RERE: variants seen among roughly 807,000 people sequenced by gnomAD.
The protein encoded by RERE is arginine-glutamic acid dipeptide repeats protein.
Under a neutral mutation model 146.1 loss-of-function variants are expected in RERE, and 40 were observed. The ratio of observed to expected loss-of-function variants is 0.27; its 90% CI spans 0.21 to 0.36. The LOEUF (loss-of-function observed/expected upper bound fraction) is 0.36, where lower values mean the gene tolerates loss of function less well. Among genes scored for constraint, RERE ranks in the 10% least tolerant of loss-of-function variants. The probability of loss-of-function intolerance (pLI) is 1.00; values close to 1 mark genes in which losing one functional copy is unlikely to be tolerated. For missense variants in RERE, 1,933 were observed against 2,138.7 expected (o/e 0.90, Z 1.90); for synonymous variants, 1,003 against 866.0 (o/e 1.16, Z -2.78).
In RERE at chr1:8,697,314, T is replaced by C. The variant is rs138144571; in HGVS notation, c.-144-40873A>G. Among the ~76,000 whole-genome samples the C allele has an allele frequency of 5.9e-5, 9 of 152,128 alleles. No individual in the cohort carries two copies. The East Asian group carries it at 1.7e-3, about 29-fold the overall frequency. On this transcript the variant is annotated intron_variant, in intron 1 of 22. Transcript: ENST00000400908. ...ATTGTTCAAATGTTCAATCTAGATA[T>C]AGGTTTTTCTGTATAATTTAATCAA...
intron 1 of RERE, among the ~76,000 whole-genome samples, chr1:8,669,970 G>GA (rs1031026550): frequency 2.6e-5 from 4 of 152,096 alleles, no homozygotes; most frequent in African/African-American, 9.7e-5. Context: ...TATATCAAAG[G>GA]AAAAATGGAA....
At chr1:8,608,550 C>A (rs1258928409) in intron 4 of RERE, among the ~76,000 whole-genome samples, 1 of 152,028 alleles carries the variant, frequency 6.6e-6, no homozygotes. Flanking sequence ...CCAAGAAAGG[C>A]AGGGCTGAAA....
intron 1 of RERE, among the ~76,000 whole-genome samples, chr1:8,686,459 TA>T (rs1215111197): frequency 6.6e-6 from 1 of 152,100 alleles, no homozygotes; most frequent in Non-Finnish European, 1.5e-5. Context: ...GCAATAAAAA[TA>T]AAGATGTAGC....
Position 8,423,033 on chromosome 1 carries a change from G to C in RERE, c.1204-226C>G, listed in dbSNP as rs1038629538. The C allele has an allele frequency of 5.5e-5, 28 of 510,782 alleles. No individual in the cohort carries two copies. The highest frequency in any genetic ancestry group is 3.9e-4 in the Admixed American group (12 of 30,936). The allele number at this position is 510,782 out of a possible 1,614,324, so 31.6% of individuals were successfully genotyped here. ...CCAATCCCACCCACCACGCAGGGCA[G>C]CGCGTTTAAGAGAAGGACGTCCTGC... On this transcript the variant is annotated intron_variant, in intron 11 of 22. Transcript: ENST00000400908. This position sits in a 1 kb window ranked among gnomAD's most constrained non-coding sequence, Gnocchi z 5.4.
intron 10 of RERE, among the ~76,000 whole-genome samples, chr1:8,474,531 T>C (rs1370524255): frequency 6.6e-6 from 1 of 152,238 alleles, no homozygotes; most frequent in Admixed American, 6.5e-5. Context: ...TTCAAGTTTC[T>C]ATTCTGGCTT....
chr1:8,755,220 C>A lies in RERE; in HGVS notation c.-145+61940G>T, dbSNP rs1441764049. On this transcript the variant is annotated intron_variant, in intron 1 of 22. Transcript: ENST00000400908. ...CAGCAGTACAGATGGACTTTGTAGGCCACTGGCTATGCTTAATTTAATATG... is the reference window on the plus strand; with the variant it reads ...CAGCAGTACAGATGGACTTTGTAGGACACTGGCTATGCTTAATTTAATATG... Among the ~76,000 whole-genome samples the A allele has an allele frequency of 2.0e-5, 3 of 152,206 alleles. No individual in the cohort carries two copies. In the East Asian group the frequency reaches 5.8e-4, roughly 29 times the overall value.
chr1:8,360,995 C>A lies in RERE; in HGVS notation c.2512G>T (p.Ala838Ser). The A allele has an allele frequency of 7.0e-7, 1 of 1,438,180 alleles. No homozygotes were observed. The allele number at this position is 1,438,180 out of a possible 1,614,324, so 89.1% of individuals were successfully genotyped here. The change falls in exon 18 of 23, where the codon GCA becomes TCA. Residue 838 changes from alanine to serine, a missense_variant. Ala to Ser is a moderately conservative substitution (Grantham distance 99, BLOSUM62 1). Transcript: ENST00000400908. ...PLTGSAGQPS[A>S]PSHAQPPLHG... The stretch of plus-strand genomic sequence containing the variant: ...AGTGGGGGCTGGGCATGAGAGGGTG[C>A]AGAAGGCTGGCCCGCCGACCCAGTC...
At chr1:8,483,271 G>A (rs1644859049) in intron 10 of RERE, among the ~76,000 whole-genome samples, 1 of 152,230 alleles carries the variant, frequency 6.6e-6, no homozygotes, top group South Asian at 2.1e-4. Context: ...AGTAAAGGGT[G>A]TGGGTATGGA....
intron 1 of RERE, among the ~76,000 whole-genome samples, chr1:8,708,077 G>C (rs1339985973): frequency 6.6e-6 from 1 of 152,172 alleles, no homozygotes; most frequent in African/African-American, 2.4e-5. Context: ...ACCCACGGGG[G>C]CCTTGGAACA....
chr1:8,454,322 A>G (rs1644424913), intron 11 of RERE, among the ~76,000 whole-genome samples: 4 of 152,200 alleles, frequency 2.6e-5, no homozygotes, highest in Non-Finnish European at 5.9e-5. Flanking sequence ...AATTTCTTAA[A>G]CAGGAATGAC....
chr1:8,403,433 CT>C (rs70990565), intron 12 of RERE, among the ~76,000 whole-genome samples: 99,148 of 137,178 alleles, frequency 0.72, 35,913 homozygotes, highest in East Asian at 0.91. Flanking sequence ...TTCATATTTT[CT>C]TTTTTTTTTT....
At chr1:8,695,253 A>T (rs1301975318) in intron 1 of RERE, among the ~76,000 whole-genome samples, 2 of 152,172 alleles carry the variant, frequency 1.3e-5, no homozygotes, top group African/African-American at 4.8e-5. Context: ...TCCCATATAT[A>T]AACATCAACT....
At chr1:8,649,256 C>A (rs1647477657) in intron 2 of RERE, among the ~76,000 whole-genome samples, 1 of 150,882 alleles carries the variant, frequency 6.6e-6, no homozygotes, top group African/African-American at 2.4e-5. Context: ...GACTCAAGGA[C>A]AATATACAAT....
At chr1:8,694,029 CAAA>C (rs144018056) in intron 1 of RERE, among the ~76,000 whole-genome samples, 3 of 120,548 alleles carry the variant, frequency 2.5e-5, no homozygotes, top group Non-Finnish European at 3.5e-5. Flanking sequence ...TTTTCTTTCC[CAAA>C]AAAAAAAAAA....
rs869295197 is a variant in RERE, at chr1:8,403,825, C to CT, written c.1284+18901dup. ...TCTATTTTTCTTAATAAAATCTTAG[C>CT]TTTTTTTTTTTTTTTTTTTTTTTGA... is the stretch of plus-strand genomic sequence containing the variant. On this transcript the variant is annotated intron_variant, in intron 12 of 22. Transcript: ENST00000400908. Among the ~76,000 whole-genome samples the CT allele has an allele frequency of 6.2e-3, 437 of 70,826 alleles. 24 individuals are homozygous for CT. Among genetic ancestry groups the CT allele is most frequent in the African/African-American group, 8.1e-3 (137 of 16,984 alleles). 46.5% of individuals were successfully genotyped at this position (70,826 alleles called of 152,430 possible). A position where few individuals can be genotyped will look rare whatever the true frequency, so the allele number is the denominator to read the frequency against.
chr1:8,784,548 T>C (rs1472066786), intron 1 of RERE, among the ~76,000 whole-genome samples: 2 of 152,162 alleles, frequency 1.3e-5, no homozygotes, highest in Non-Finnish European at 2.9e-5. Context: ...AAACACACGC[T>C]GAATAAATCT....
chr1:8,649,839 T>C (rs770365241), intron 2 of RERE, among the ~76,000 whole-genome samples: 1 of 152,056 alleles, frequency 6.6e-6, no homozygotes, highest in Non-Finnish European at 1.5e-5. Flanking sequence ...AGAATTGCTG[T>C]TTTTTTGGAG....
chr1:8,461,238 C>T lies in RERE; in HGVS notation c.1203+4687G>A, dbSNP rs548244754. Among the ~76,000 whole-genome samples the T allele has an allele frequency of 1.1e-4, 17 of 151,542 alleles. No homozygotes were observed. In the East Asian group the frequency reaches 3.3e-3, roughly 29 times the overall value. On this transcript the variant is annotated intron_variant, in intron 11 of 22. Transcript: ENST00000400908. Reference sequence around the variant, plus strand: ...GTTTTTTTTTTTAATGTTTTAATCTCTATTTCCTCCTCTTTATCTTCCTAA... The same window carrying T: ...GTTTTTTTTTTTAATGTTTTAATCTTTATTTCCTCCTCTTTATCTTCCTAA...
chr1:8,514,813 C>A (rs1350365440), intron 7 of RERE, among the ~76,000 whole-genome samples: 1 of 152,110 alleles, frequency 6.6e-6, no homozygotes, highest in Non-Finnish European at 1.5e-5. Context: ...ATGAGGTCCA[C>A]AAGCTATGCT....
Sources: gnomAD v4.1 joint callset for allele counts (sites outside exome capture counted in the v4.1 genomes callset) on GRCh38, gnomAD v4.1.1 for gene constraint, Gnocchi (gnomAD v3.1) non-coding constraint, MANE v1.5 for transcripts, NCBI Gene and HGNC (gene_info 2026-07-23, HGNC 2026-07-21) for gene names.